Variants in GRM5 observed in about 807,000 individuals in gnomAD.
GRM5 encodes glutamate metabotropic receptor 5.
GRM5 carries 19 observed loss-of-function variants against 83.1 expected under a neutral mutation model. The observed-to-expected ratio is 0.23, with a 90% CI of 0.16 to 0.34. The LOEUF (loss-of-function observed/expected upper bound fraction) is 0.34, where lower values mean the gene tolerates loss of function less well. GRM5 is among the 10% of genes least tolerant of loss of function. The pLI is 1.00. For synonymous variants in GRM5, 675 were observed against 633.6 expected, an observed-to-expected ratio of 1.07 and a Z score of -0.98; for missense variants, 1,160 against 1,588.3, an observed-to-expected ratio of 0.73 and a Z score of 4.58.
At chr11:88,946,678 G>T (rs937154394) in intron 2 of GRM5, among the ~76,000 whole-genome samples, 2 of 152,068 alleles carry the variant, frequency 1.3e-5, no homozygotes, top group Non-Finnish European at 2.9e-5. Context: ...GGGGTGAATG[G>T]GAGAAACAGT....
At chr11:88,922,815 G>A (rs1204287782) in intron 2 of GRM5, among the ~76,000 whole-genome samples, 1 of 152,100 alleles carries the variant, frequency 6.6e-6, no homozygotes, top group East Asian at 1.9e-4. Context: ...AAAAATGTTA[G>A]CAAACTCTAC....
intron 2 of GRM5, among the ~76,000 whole-genome samples, chr11:88,854,430 G>C (rs117325170): frequency 0.017 from 2,608 of 151,922 alleles, 45 homozygotes; most frequent in East Asian, 0.069. Context: ...TTTTTCCTCA[G>C]ATCGTAACAG....
chr11:88,677,814 A>T (rs954113771), intron 3 of GRM5, among the ~76,000 whole-genome samples: 1 of 152,156 alleles, frequency 6.6e-6, no homozygotes, highest in Non-Finnish European at 1.5e-5. Flanking sequence ...ACATTTAATT[A>T]TAAGAAAGAG....
At chr11:88,639,851 T>C (rs1225086650) in intron 4 of GRM5, among the ~76,000 whole-genome samples, 1 of 152,146 alleles carries the variant, frequency 6.6e-6, no homozygotes, top group Admixed American at 6.5e-5. Flanking sequence ...CCTTAGGAGT[T>C]TGTAGAAAAT....
intron 3 of GRM5, among the ~76,000 whole-genome samples, chr11:88,784,353 T>C (rs899116654): frequency 1.3e-5 from 2 of 152,128 alleles, no homozygotes; most frequent in African/African-American, 4.8e-5. Context: ...TCTCCACTTA[T>C]GTGCCCACCA....
At chr11:88,709,593 G>A (rs906326041) in intron 3 of GRM5, among the ~76,000 whole-genome samples, 1 of 152,108 alleles carries the variant, frequency 6.6e-6, no homozygotes, top group African/African-American at 2.4e-5. Context: ...GGTCACCTCA[G>A]TGTCATCCTG....
chr11:88,976,210 G>A (rs1007048057), intron 2 of GRM5, among the ~76,000 whole-genome samples: 3 of 152,170 alleles, frequency 2.0e-5, no homozygotes. Flanking sequence ...TACATAGAGT[G>A]TGTGCAGATA....
At chr11:89,012,629 G>A (rs1308609641) in intron 2 of GRM5, among the ~76,000 whole-genome samples, 2 of 152,172 alleles carry the variant, frequency 1.3e-5, no homozygotes, top group Non-Finnish European at 2.9e-5. Flanking sequence ...ACCTTTGATA[G>A]CCAATGTCCT....
intron 3 of GRM5, among the ~76,000 whole-genome samples, chr11:88,691,587 C>A (rs1940782049): frequency 6.6e-6 from 1 of 152,186 alleles, no homozygotes; most frequent in Non-Finnish European, 1.5e-5. Flanking sequence ...TGTCTGCTCT[C>A]TGCCATCTGG....
At chr11:88,774,796 A>C (rs566252848) in intron 3 of GRM5, among the ~76,000 whole-genome samples, 3 of 152,270 alleles carry the variant, frequency 2.0e-5, no homozygotes, top group Admixed American at 6.5e-5. Flanking sequence ...GGATGAAGCC[A>C]ACTTGATCGT....
intron 1 of GRM5, among the ~76,000 whole-genome samples, chr11:89,053,611 G>A (rs1402894216): frequency 6.6e-6 from 1 of 152,022 alleles, no homozygotes; most frequent in Admixed American, 6.6e-5. Context: ...TATTCGAAGA[G>A]GGTTTGCGAG....
chr11:88,963,710 T>C (rs1423274330), intron 2 of GRM5, among the ~76,000 whole-genome samples: 9 of 152,218 alleles, frequency 5.9e-5, no homozygotes, highest in Non-Finnish European at 4.4e-5. Context: ...TGTTTTATGG[T>C]ATGTGACCCT....
chr11:88,602,353 T>A (rs1475152499), intron 5 of GRM5, among the ~76,000 whole-genome samples: 1 of 152,190 alleles, frequency 6.6e-6, no homozygotes, highest in African/African-American at 2.4e-5. Flanking sequence ...GAGCATTGGG[T>A]ACTGATAGTA....
intron 3 of GRM5, among the ~76,000 whole-genome samples, chr11:88,818,889 A>C (rs1943736927): frequency 6.6e-6 from 1 of 152,244 alleles, no homozygotes; most frequent in Non-Finnish European, 1.5e-5. Context: ...CAGAACCCCC[A>C]AAGTCATTGA....
At chr11:88,597,494 CAA>C (rs150350716) in intron 5 of GRM5, 142 bp from the exon 6 acceptor site, 2 of 510,924 alleles carry the variant, frequency 3.9e-6, no homozygotes, top group Non-Finnish European at 3.4e-6. Flanking sequence ...CTTAGAATAA[CAA>C]AAAAAATCTG....
intron 3 of GRM5, among the ~76,000 whole-genome samples, chr11:88,793,506 T>C (rs1295195925): frequency 6.6e-6 from 1 of 152,182 alleles, no homozygotes; most frequent in Non-Finnish European, 1.5e-5. Flanking sequence ...TTGCATATTC[T>C]GAGGAAGGTT....
At chr11:88,830,295 A>AAAAATATATTTAAATAAAATATATTT (rs975079747) in intron 3 of GRM5, among the ~76,000 whole-genome samples, 5 of 151,456 alleles carry the variant, frequency 3.3e-5, no homozygotes, top group South Asian at 2.1e-4. Context: ...GCAATATAGT[A>AAAAATATATTTAAATAAAATATATTT]AAAATATATT....
chr11:89,041,286 A>T (rs913518280), intron 2 of GRM5, among the ~76,000 whole-genome samples: 1 of 152,176 alleles, frequency 6.6e-6, no homozygotes, highest in African/African-American at 2.4e-5. Flanking sequence ...ATTATGGGGG[A>T]GCAGTGCAGT....
At chr11:88,741,564 T>C (rs1055073210) in intron 3 of GRM5, among the ~76,000 whole-genome samples, 1 of 152,028 alleles carries the variant, frequency 6.6e-6, no homozygotes, top group Non-Finnish European at 1.5e-5. Context: ...ATCAAACACA[T>C]ACAATGTGCC....
Sources: gnomAD v4.1 joint callset for allele counts (sites outside exome capture counted in the v4.1 genomes callset) on GRCh38, gnomAD v4.1.1 for gene constraint, MANE v1.5 for transcripts, NCBI Gene and HGNC (gene_info 2026-07-23, HGNC 2026-07-21) for gene names.